The following ANGPTL1 variants were observed in gnomAD, a reference collection of about 807,000 sequenced individuals.
ANGPTL1 encodes the protein angiopoietin like 1.
Under a neutral mutation model 46.7 loss-of-function variants are expected in ANGPTL1, and 36 were observed. The ratio of observed to expected loss-of-function variants is 0.77; its 90% CI spans 0.59 to 1.02. The LOEUF is 1.02. ANGPTL1 is among the 50% of genes least tolerant of loss of function. The pLI is 0.00. For synonymous variants in ANGPTL1, 221 were observed against 204.3 expected, an observed-to-expected ratio of 1.08 and a Z score of -0.69; for missense variants, 571 against 594.7, an observed-to-expected ratio of 0.96 and a Z score of 0.41.
At chr1:178,862,589 TTTTTTTTATTTATTTA>T (rs1044680332) in intron 3 of ANGPTL1, among the ~76,000 whole-genome samples, 15 of 129,424 alleles carry the variant, frequency 1.2e-4, no homozygotes, top group African/African-American at 4.2e-4. Flanking sequence ...AGGAGTTGCA[TTTTTTTTATTTATTTA>T]TTTATTTATT....
intron 3 of ANGPTL1, among the ~76,000 whole-genome samples, chr1:178,855,264 C>G (rs1271877194): frequency 6.7e-6 from 1 of 148,562 alleles, no homozygotes; most frequent in Non-Finnish European, 1.5e-5. Flanking sequence ...ACTATGATCT[C>G]TTCCTTGTAG....
At chr1:178,867,002 T>C (rs1269945751) in intron 2 of ANGPTL1, among the ~76,000 whole-genome samples, 1 of 152,048 alleles carries the variant, frequency 6.6e-6, no homozygotes, top group Non-Finnish European at 1.5e-5. Context: ...ACAGGCCACC[T>C]TTTCACTCTT....
At chr1:178,861,340 A>C (rs998096419) in intron 3 of ANGPTL1, among the ~76,000 whole-genome samples, 2 of 152,198 alleles carry the variant, frequency 1.3e-5, no homozygotes, top group Non-Finnish European at 2.9e-5. Context: ...TGTTAAAGAA[A>C]GTTTCACTGG....
chr1:178,855,166 T>G (rs927605135), intron 3 of ANGPTL1, among the ~76,000 whole-genome samples: 1 of 152,040 alleles, frequency 6.6e-6, no homozygotes, highest in Non-Finnish European at 1.5e-5. Flanking sequence ...TTGCCAGATA[T>G]GTACAGTATT....
chr1:178,856,218 T>G (rs1405944431), intron 3 of ANGPTL1, among the ~76,000 whole-genome samples: 25 of 73,972 alleles, frequency 3.4e-4, no homozygotes, highest in Non-Finnish European at 4.4e-4. Context: ...TATATATATA[T>G]ATATATATAT....
intron 4 of ANGPTL1, chr1:178,853,192 A>T: frequency 1.0e-6 from 1 of 985,366 alleles, no homozygotes; most frequent in Non-Finnish European, 1.2e-6. Flanking sequence ...TTCAAATCCT[A>T]CAAATAAGAC....
intron 3 of ANGPTL1, among the ~76,000 whole-genome samples, chr1:178,863,785 T>C (rs921417613): frequency 5.0e-4 from 76 of 152,010 alleles, no homozygotes; most frequent in African/African-American, 1.8e-3. Context: ...AAATAGGAAG[T>C]GAAGGAAGAA....
rs1002670830 is a variant in ANGPTL1 at position 178,866,773 on chromosome 1, T to A, written c.-26-971A>T. On this transcript the variant is annotated intron_variant, in intron 2 of 5. Transcript: ENST00000234816. Reference sequence around the variant, plus strand: ...CGGATTCTCTGACCCATAGTCAGTATTTATAGAAGCAGCACCTATACTAAA... The same window carrying A: ...CGGATTCTCTGACCCATAGTCAGTAATTATAGAAGCAGCACCTATACTAAA... Among the ~76,000 whole-genome samples the A allele has an allele frequency of 1.1e-4, 16 of 152,284 alleles. 1 individual carries two copies. The highest frequency in any genetic ancestry group is 5.9e-4 in the Admixed American group (9 of 15,282).
chr1:178,851,019 A>G lies in ANGPTL1; in HGVS notation c.*110T>C. ...AGTTACGGTAAAATTCATTTTAAAAACTTTCTGTGTAGAAATAAATTGTGC... is the reference window on the plus strand; with the variant it reads ...AGTTACGGTAAAATTCATTTTAAAAGCTTTCTGTGTAGAAATAAATTGTGC... On this transcript the variant is annotated 3_prime_UTR_variant, in exon 6 of 6. Transcript: ENST00000234816. The G allele has an allele frequency of 9.5e-7, 1 of 1,056,640 alleles. No homozygotes were observed. The highest frequency in any genetic ancestry group is 1.3e-6 in the Non-Finnish European group (1 of 774,878). 65.5% of individuals were successfully genotyped at this position (1,056,640 alleles called of 1,614,324 possible). A position where few individuals can be genotyped will look rare whatever the true frequency, so the allele number is the denominator to read the frequency against.
rs372891991 is a variant in ANGPTL1, at chr1:178,864,964, G to A, written c.813C>T (p.Phe271=). The change falls in exon 3 of 6, where the codon TTC becomes TTT. Residue 271 remains phenylalanine, a synonymous_variant. Transcript: ENST00000234816. ...TAAGAGGTAACTCACCTTCATTGAT[G>A]AAAGTTACCGGTGGTATCTTGAAAG... The part of the protein sequence containing the change: ...KSPFKIPPVT[F]INEGPFKDCQ... 6.9e-7 allele frequency: 1 copy of A among 1,449,946 alleles called. No individual in the cohort carries two copies. The highest frequency in any genetic ancestry group is 2.4e-5 in the East Asian group (1 of 42,068). The allele number at this position is 1,449,946 out of a possible 1,614,324, so 89.8% of individuals were successfully genotyped here.
At chr1:178,870,557 C>T (rs1658692842) in intron 1 of ANGPTL1, among the ~76,000 whole-genome samples, 184 bp downstream of exon 1, 1 of 152,086 alleles carries the variant, frequency 6.6e-6, no homozygotes, top group South Asian at 2.1e-4. Context: ...AATGCATTAA[C>T]CATTGCACAG....
At position 178,852,634 on chromosome 1, in the gene ANGPTL1, T is replaced by C. The variant is rs575486511; in HGVS notation, c.1288+49A>G. ...ATATATATTAGTAGATTCTATTTAA[T>C]GCATAGAAGGTGATGATTCTACAAA... On this transcript the variant is annotated intron_variant, in intron 5 of 5. Coordinates refer to ENST00000234816, the MANE Select transcript of ANGPTL1 (RefSeq NM_004673.4). 17 of 1,554,324 alleles carry C rather than the reference T, an allele frequency of 1.1e-5. 1 individual carries two copies. In the South Asian group the frequency reaches 2.0e-4, roughly 19 times the overall value.
intron 3 of ANGPTL1, among the ~76,000 whole-genome samples, chr1:178,860,987 T>C (rs967558248): frequency 1.3e-5 from 2 of 152,110 alleles, no homozygotes; most frequent in African/African-American, 4.8e-5. Context: ...TTGTTGCTTG[T>C]AGTAATTTAA....
intron 3 of ANGPTL1, among the ~76,000 whole-genome samples, chr1:178,860,177 AAG>A (rs1657902287): frequency 6.6e-6 from 1 of 150,548 alleles, no homozygotes; most frequent in Admixed American, 6.6e-5. Flanking sequence ...CTATTTGTAA[AAG>A]AGTAATTTTT....
Position 178,851,094 on chromosome 1 carries a change from A to G in ANGPTL1, c.*35T>C. ...CATTTTTAAGAGCTGAAAAGTACAAAGTTCTGTGTCATTTAAATTGGCGAG... is the reference window on the plus strand; with the variant it reads ...CATTTTTAAGAGCTGAAAAGTACAAGGTTCTGTGTCATTTAAATTGGCGAG... On this transcript the variant is annotated 3_prime_UTR_variant, in exon 6 of 6. Transcript: ENST00000234816. 6.4e-7 allele frequency: 1 copy of G among 1,574,460 alleles called. No individual in the cohort carries two copies. The highest frequency in any genetic ancestry group is 8.6e-7 in the Non-Finnish European group (1 of 1,160,214).
At chr1:178,857,836 G>A (rs1657696238) in intron 3 of ANGPTL1, among the ~76,000 whole-genome samples, 2 of 152,128 alleles carry the variant, frequency 1.3e-5, no homozygotes, top group Admixed American at 1.3e-4. Flanking sequence ...TGTTCTGAAT[G>A]TTGACAGAAT....
chr1:178,859,278 A>T (rs1485059627), intron 3 of ANGPTL1, among the ~76,000 whole-genome samples: 13 of 152,120 alleles, frequency 8.5e-5, no homozygotes, highest in Non-Finnish European at 1.5e-4. Flanking sequence ...AACCAATTAT[A>T]CCTAAAAAGT....
At chr1:178,853,195 A>G (rs1657296852) in intron 4 of ANGPTL1, 1 of 985,254 alleles carries the variant, frequency 1.0e-6, no homozygotes, top group Non-Finnish European at 1.2e-6. Context: ...AAATCCTACA[A>G]ATAAGACAAT....
intron 3 of ANGPTL1, among the ~76,000 whole-genome samples, chr1:178,862,146 T>G (rs1658064063): frequency 6.6e-6 from 1 of 152,142 alleles, no homozygotes; most frequent in African/African-American, 2.4e-5. Context: ...GTGTTGAGAT[T>G]ACAGGCATGA....
Sources: allele counts gnomAD v4.1 joint callset (sites outside exome capture counted in the v4.1 genomes callset), GRCh38; gene constraint gnomAD v4.1.1; transcripts MANE v1.5; gene names NCBI Gene and HGNC (gene_info 2026-07-23, HGNC 2026-07-21).